Variants in MUC6 observed in about 807,000 individuals in gnomAD.
MUC6 encodes mucin-6.
MUC6 carries 188 observed loss-of-function variants against 201.5 expected under a neutral mutation model. The observed-to-expected ratio is 0.93, with a 90% CI of 0.83 to 1.05. The LOEUF (loss-of-function observed/expected upper bound fraction) is 1.05. Ranked by LOEUF, MUC6 falls within the 50% of genes least tolerant of loss-of-function variation. MUC6 has a pLI of 0.00. For synonymous variants in MUC6, 1,228 were observed against 1,389.4 expected (o/e 0.88, Z 2.58); for missense variants, 2,706 against 3,256.9 (o/e 0.83, Z 4.12).
At chr11:1,023,287 TG>T (rs1328301328) in intron 26 of MUC6, among the ~76,000 whole-genome samples, 1 of 152,012 alleles carries the variant, frequency 6.6e-6, no homozygotes, top group East Asian at 1.9e-4. Flanking sequence ...TGAACAAATG[TG>T]CGTGAATGAA....
Position 1,016,584 on chromosome 11 carries a change from G to C in MUC6, c.6217C>G (p.Gln2073Glu), listed in dbSNP as rs1856621513. The C allele has an allele frequency of 6.3e-7, 1 of 1,589,870 alleles. No homozygotes were observed. The highest frequency in any genetic ancestry group is 2.3e-5 in the East Asian group (1 of 44,212). ...PMTVTTSGTS[Q>E]THSSFSTATA... ...GCTGTGCTGAATGAGCTGTGGGTTT[G>C]GCTGGTCCCACTGGTGGTCACTGTC... is the stretch of plus-strand genomic sequence containing the variant. The change falls in exon 31 of 33, where the codon CAA becomes GAA. Residue 2073 changes from glutamine (Q) to glutamate (E), a missense_variant. By Grantham distance (29) the Gln-to-Glu change is conservative. Transcript: ENST00000421673.
chr11:1,018,984 C>T (rs1194248190), intron 30 of MUC6, among the ~76,000 whole-genome samples: 1 of 152,198 alleles, frequency 6.6e-6, no homozygotes, highest in Non-Finnish European at 1.5e-5. Flanking sequence ...CTGACTCCTT[C>T]AGTGCAGCTG....
rs113372508 is a variant in MUC6 at position 1,036,243 on chromosome 11, C to G, written c.52+361G>C. On this transcript the variant is annotated intron_variant, in intron 1 of 32. Coordinates refer to ENST00000421673, the MANE Select transcript of MUC6 (RefSeq NM_005961.3). ...AGACCTCTCAGGACTCAGGACCCCA[C>G]TCGGGGAGGGAGAGCGCCAGGGCTG... Among the ~76,000 whole-genome samples, 932 of 152,326 alleles carry G rather than the reference C, an allele frequency of 6.1e-3. 10 individuals carry two copies. The highest frequency in any genetic ancestry group is 0.021 in the African/African-American group (885 of 41,574).
rs369641607 is a variant in MUC6 at position 1,020,063 on chromosome 11, C to A, written c.3808+27G>T. 6 of 1,610,956 alleles carry A rather than the reference C, an allele frequency of 3.7e-6. No individual in the cohort carries two copies. In the African/African-American group the frequency reaches 6.7e-5, roughly 18 times the overall value. ...CTAGGACCTCCTGCAGCTGCCCTCTCCATGGGCTCAGCTGGAGGCTCCTTA... is the reference window on the plus strand; with the variant it reads ...CTAGGACCTCCTGCAGCTGCCCTCTACATGGGCTCAGCTGGAGGCTCCTTA... On this transcript the variant is annotated intron_variant, in intron 29 of 32. Coordinates refer to ENST00000421673, the MANE Select transcript of MUC6 (RefSeq NM_005961.3).
At position 1,016,559 on chromosome 11, in the gene MUC6, G is replaced by A. The variant is rs572439842; in HGVS notation, c.6242C>T (p.Ala2081Val). The change falls in exon 31 of 33, where the codon GCT becomes GTT. Residue 2081 changes from alanine (A) to valine (V), a missense_variant. Transcript: ENST00000421673. ...GGATATGAAGGAAGAAGAGGCTGTA[G>A]CTGTGCTGAATGAGCTGTGGGTTTG... Reference protein sequence around the residue: ...TSQTHSSFSTATASSSFISSS... With the variant: ...TSQTHSSFSTVTASSSFISSS... 6 of 1,474,364 alleles carry A rather than the reference G, an allele frequency of 4.1e-6. No individual in the cohort carries two copies. The highest frequency in any genetic ancestry group is 5.4e-6 in the Non-Finnish European group (6 of 1,106,706). The allele number at this position is 1,474,364 out of a possible 1,614,324, so 91.3% of individuals were successfully genotyped here.
At chr11:1,032,503 C>T (rs562230484) in intron 2 of MUC6, among the ~76,000 whole-genome samples, 3 of 147,184 alleles carry the variant, frequency 2.0e-5, no homozygotes, top group Non-Finnish European at 3.0e-5. Context: ...TGTGTGCATT[C>T]GGGGTGTGTA....
Position 1,026,467 on chromosome 11 carries a change from C to T in MUC6, c.2406G>A (p.Lys802=). 6.3e-7 allele frequency: 1 copy of T among 1,593,268 alleles called. No homozygotes were observed. The highest frequency in any genetic ancestry group is 8.5e-7 in the Non-Finnish European group (1 of 1,171,314). ...CGGCGCAGACACAGCCAGGCTCACA[C>T]TTGGTGGGCACCTGGAGGGAGGCAG... is the stretch of plus-strand genomic sequence containing the variant. ...LATGVACVPT[K]CEPGCVCAEG... The change falls in exon 20 of 33, where the codon AAG becomes AAA. Residue 802 remains lysine, a synonymous_variant. Coordinates refer to ENST00000421673, the MANE Select transcript of MUC6 (RefSeq NM_005961.3).
At chr11:1,020,393 G>A in intron 28 of MUC6, 136 bp from the exon 29 acceptor site, 6 of 1,224,178 alleles carry the variant, frequency 4.9e-6, no homozygotes, top group Non-Finnish European at 5.6e-6. Context: ...GCTGGCCTGT[G>A]GCACTCTGAG....
In MUC6 at chr11:1,020,148, G is replaced by A. The variant is rs1299252986; in HGVS notation, c.3750C>T (p.Thr1250=). 10 of 1,613,190 alleles carry A rather than the reference G, an allele frequency of 6.2e-6. No homozygotes were observed. The Admixed American group carries it at 1.0e-4, about 16-fold the overall frequency. ...PSSNHTPASP[T]QTPLLPATLT... is the part of the protein sequence containing the mutation. Reference sequence around the variant, plus strand: ...GCGTGGCTGGAAGGAGGGGTGTCTGGGTGGGGCTGGCAGGGGTGTGATTAG... The same window carrying A: ...GCGTGGCTGGAAGGAGGGGTGTCTGAGTGGGGCTGGCAGGGGTGTGATTAG... Residue 1250 remains threonine (T), a synonymous_variant, in exon 29 of 33, where the codon ACC becomes ACT. Coordinates refer to ENST00000421673, the MANE Select transcript of MUC6 (RefSeq NM_005961.3).
Position 1,026,967 on chromosome 11 carries a change from G to T in MUC6, c.2368C>A (p.Gln790Lys). ...CAGGCAACACCGGTGGCCAGCATCT[G>T]GCATGTGGGGGCACAGGCTGCCCCA... ...KFGAACAPTC[Q>K]MLATGVACVP... Residue 790 changes from glutamine to lysine, a missense_variant, in exon 19 of 33, where the codon CAG becomes AAG. By Grantham distance (53) the Gln-to-Lys change is moderately conservative. Coordinates refer to ENST00000421673, the MANE Select transcript of MUC6 (RefSeq NM_005961.3). The T allele has an allele frequency of 6.3e-7, 1 of 1,596,206 alleles. No homozygotes were observed. Among genetic ancestry groups the T allele is most frequent in the East Asian group, 2.3e-5 (1 of 44,056 alleles).
chr11:1,029,182 G>C, intron 10 of MUC6, 32 bp from the exon 11 acceptor site: 1 of 1,606,262 alleles, frequency 6.2e-7, no homozygotes, highest in Non-Finnish European at 8.5e-7. Flanking sequence ...ACACGGGTGG[G>C]GTCACCGGGA....
chr11:1,030,753 G>A lies in MUC6; in HGVS notation c.712C>T (p.Leu238=). Reference sequence around the variant, plus strand: ...GACACGCTGCACTCAGGGGCCACCAGGGTCAGCAGCTGGGTGCAGATCCGG... The same window carrying A: ...GACACGCTGCACTCAGGGGCCACCAAGGTCAGCAGCTGGGTGCAGATCCGG... ...HARICTQLLT[L]VAPECSVSKE... The change falls in exon 7 of 33, where the codon CTG becomes TTG. Residue 238 remains leucine, a synonymous_variant. Coordinates refer to ENST00000421673, the MANE Select transcript of MUC6 (RefSeq NM_005961.3). 6.5e-7 allele frequency: 1 copy of A among 1,540,046 alleles called. No individual in the cohort carries two copies. The highest frequency in any genetic ancestry group is 8.7e-7 in the Non-Finnish European group (1 of 1,147,462).
rs926028585 is a variant in MUC6, at chr11:1,013,485, C to T, written c.7291G>A (p.Val2431Met). The T allele has an allele frequency of 8.8e-6, 14 of 1,585,462 alleles. No homozygotes were observed. In the Admixed American group the frequency reaches 8.9e-5, roughly 10 times the overall value. ...TCTCCACAGGCCACAGAGCTGCACA[C>T]GCAGTGGCTGAACACCTGCAGGGTG... The part of the protein sequence containing the change: ...VLTLQVFSHC[V>M]CSSVACGD The change falls in exon 33 of 33, where the codon GTG (valine) becomes ATG (methionine). Residue 2431 changes from valine to methionine, a missense_variant. Val to Met is a conservative substitution (Grantham distance 21, BLOSUM62 1). Around this residue, in one of 10 missense-constraint regions of MUC6, gnomAD observed 586 missense variants for 488.0 expected, o/e 1.20. Transcript: ENST00000421673.
Position 1,029,217 on chromosome 11 carries a change from G to A in MUC6, c.1275+11C>T, listed in dbSNP as rs1334676812. 1 of 1,606,672 alleles carries A rather than the reference G, an allele frequency of 6.2e-7. No individual in the cohort carries two copies. The stretch of plus-strand genomic sequence containing the variant: ...AGCGCCCCTCCCCACGGGCCACAGG[G>A]CTCGTCCTACCTGGAGGAGGATGTA... On this transcript the variant is annotated intron_variant, in intron 10 of 32. Transcript: ENST00000421673.
rs775434160 is a variant in MUC6 at position 1,016,467 on chromosome 11, G to A, written c.6334C>T (p.Pro2112Ser). Residue 2112 changes from proline to serine, a missense_variant, in exon 31 of 33, where the codon CCC becomes TCC. This residue lies in a region of MUC6 where 586 missense variants were observed against 488.0 expected (regional missense o/e 1.20). Transcript: ENST00000421673. ...PPSSPITTQL[P>S]HLSSATTPVS... Reference sequence around the variant, plus strand: ...GGAGTGGTTGCAGAACTCAAGTGGGGGAGTTGTGTGGTGATAGGTGATGAC... The same window carrying A: ...GGAGTGGTTGCAGAACTCAAGTGGGAGAGTTGTGTGGTGATAGGTGATGAC... 1.2e-6 allele frequency: 2 copies of A among 1,613,602 alleles called. No individual in the cohort carries two copies. Among genetic ancestry groups the A allele is most frequent in the Admixed American group, 1.7e-5 (1 of 59,934 alleles).
At chr11:1,036,281 C>T (rs1590058637) in intron 1 of MUC6, among the ~76,000 whole-genome samples, 1 of 152,204 alleles carries the variant, frequency 6.6e-6, no homozygotes, top group Non-Finnish European at 1.5e-5. Context: ...CACCAGCACA[C>T]CTGCCCACTG....
chr11:1,029,752 C>G, intron 8 of MUC6, 137 bp from the exon 9 acceptor site: 1 of 1,245,732 alleles, frequency 8.0e-7, no homozygotes, highest in Non-Finnish European at 1.1e-6. Flanking sequence ...GGAGACGCCC[C>G]TCCAGCCTGG....
intron 26 of MUC6, among the ~76,000 whole-genome samples, chr11:1,021,688 C>T (rs1435464091): frequency 6.6e-6 from 1 of 152,024 alleles, no homozygotes; most frequent in Non-Finnish European, 1.5e-5. Context: ...TCCTTTCCTG[C>T]CATGCCTTCC....
Position 1,033,830 on chromosome 11 carries a change from G to C in MUC6, c.53-755C>G, listed in dbSNP as rs1214656532. 6.6e-6 allele frequency among the ~76,000 whole-genome samples: 1 copy of C among 151,578 alleles called. No homozygotes were observed. The highest frequency in any genetic ancestry group is 1.5e-5 in the Non-Finnish European group (1 of 67,890). On this transcript the variant is annotated intron_variant, in intron 1 of 32. Transcript: ENST00000421673. The surrounding 1 kb of genome is among the most constrained non-coding windows in gnomAD (Gnocchi z 5.6). ...CTATGACCCTTCCTGTGGCTCCCAC[G>C]AGCCCCCGATGTCTGAGTGGTGGTG...
Sources: allele counts gnomAD v4.1 joint callset (sites outside exome capture counted in the v4.1 genomes callset), GRCh38; gene constraint gnomAD v4.1.1; regional missense constraint gnomAD v4.1.1; non-coding constraint Gnocchi (gnomAD v3.1); transcripts MANE v1.5; gene names NCBI Gene and HGNC (gene_info 2026-07-23, HGNC 2026-07-21).